NELL2: variants seen among roughly 807,000 people sequenced by gnomAD.
NELL2 encodes the protein neural EGFL like 2, also known as protein kinase C-binding protein NELL2.
In NELL2, 41 loss-of-function variants were observed where a neutral mutation model predicts 109.6. The observed-to-expected ratio is 0.37, with a 90% CI of 0.29 to 0.49. The LOEUF (loss-of-function observed/expected upper bound fraction) is 0.49. NELL2 is among the 20% of genes least tolerant of loss of function. The pLI is 0.98. For missense variants in NELL2, 900 were observed against 1,008.3 expected, an observed-to-expected ratio of 0.89 and a Z score of 1.45; for synonymous variants, 355 against 344.7, an observed-to-expected ratio of 1.03 and a Z score of -0.33.
intron 9 of NELL2, among the ~76,000 whole-genome samples, chr12:44,743,064 A>G (rs1013962524): frequency 6.6e-6 from 1 of 152,224 alleles, no homozygotes; most frequent in South Asian, 2.1e-4. Flanking sequence ...AGGTTGGGTT[A>G]CCCTCAAAGG....
upstream of NELL2, among the ~76,000 whole-genome samples, chr12:44,915,130 C>A (rs1316228781): frequency 6.6e-6 from 1 of 152,148 alleles, no homozygotes; most frequent in Non-Finnish European, 1.5e-5. Context: ...GGATTACTGG[C>A]GTGAGCCACC....
chr12:44,512,947 A>C (rs924110571), intron 19 of NELL2, among the ~76,000 whole-genome samples: 1 of 152,040 alleles, frequency 6.6e-6, no homozygotes, highest in Non-Finnish European at 1.5e-5. Flanking sequence ...ATATGTTCAG[A>C]AATCTAGAAG....
At chr12:44,658,583 A>G (rs1282170705) in intron 13 of NELL2, among the ~76,000 whole-genome samples, 1 of 152,188 alleles carries the variant, frequency 6.6e-6, no homozygotes, top group Non-Finnish European at 1.5e-5. Flanking sequence ...AGAATTAGAA[A>G]AAACTAGTTT....
At chr12:44,661,030 C>A (rs1167045986) in intron 13 of NELL2, among the ~76,000 whole-genome samples, 1 of 152,098 alleles carries the variant, frequency 6.6e-6, no homozygotes, top group Non-Finnish European at 1.5e-5. Flanking sequence ...AATGCAGATG[C>A]CAGGGAGAAG....
chr12:44,863,260 T>C (rs1264692101), intron 2 of NELL2, among the ~76,000 whole-genome samples: 1 of 152,126 alleles, frequency 6.6e-6, no homozygotes, highest in Non-Finnish European at 1.5e-5. Context: ...AAAGAAATAG[T>C]AGCAGAAAAC....
At chr12:44,819,030 C>A (rs1278132606) in intron 2 of NELL2, among the ~76,000 whole-genome samples, 1 of 152,122 alleles carries the variant, frequency 6.6e-6, no homozygotes, top group African/African-American at 2.4e-5. Flanking sequence ...GCGTGAGCCA[C>A]CGCGCCCGGC....
intron 13 of NELL2, among the ~76,000 whole-genome samples, chr12:44,626,365 T>A (rs1446967518): frequency 6.6e-6 from 1 of 152,200 alleles, no homozygotes; most frequent in Non-Finnish European, 1.5e-5. Flanking sequence ...CTTGAGATGC[T>A]ATTAATTCAC....
intron 19 of NELL2, among the ~76,000 whole-genome samples, chr12:44,517,396 T>TCTCTC (rs1941323429): frequency 6.6e-6 from 1 of 150,968 alleles, no homozygotes; most frequent in Non-Finnish European, 1.5e-5. Context: ...TCTCTCTCTC[T>TCTCTC]CTCTCTCTCT....
intron 2 of NELL2, among the ~76,000 whole-genome samples, chr12:44,868,010 C>G (rs1213566881): frequency 6.7e-6 from 1 of 149,328 alleles, no homozygotes; most frequent in Non-Finnish European, 1.5e-5. Flanking sequence ...ATCTCAGCTA[C>G]TTGGGAGGCT....
intron 2 of NELL2, among the ~76,000 whole-genome samples, chr12:44,870,841 C>T (rs1313508302): frequency 6.6e-6 from 1 of 152,148 alleles, no homozygotes; most frequent in Non-Finnish European, 1.5e-5. Context: ...AACTTAACTT[C>T]CCCTTGCTGT....
chr12:44,694,007 G>T (rs560931780), intron 12 of NELL2, among the ~76,000 whole-genome samples: 1 of 152,246 alleles, frequency 6.6e-6, no homozygotes, highest in Non-Finnish European at 1.5e-5. Flanking sequence ...ATGACATTTG[G>T]AAACATCAGA....
intron 1 of NELL2, among the ~76,000 whole-genome samples, chr12:44,887,028 C>T (rs897262254): frequency 7.9e-5 from 12 of 152,018 alleles, no homozygotes; most frequent in Non-Finnish European, 1.3e-4. Flanking sequence ...CAGTGATAGA[C>T]ACTTAGTTTG....
chr12:44,652,350 T>C (rs1947330207), intron 13 of NELL2, among the ~76,000 whole-genome samples: 1 of 152,214 alleles, frequency 6.6e-6, no homozygotes, highest in African/African-American at 2.4e-5. Flanking sequence ...GGTAAATGTA[T>C]AGTCTATTTC....
chr12:44,627,452 G>A lies in NELL2; in HGVS notation c.1445-16482C>T, dbSNP rs1592231099. Among the ~76,000 whole-genome samples, 4 of 150,026 alleles carry A rather than the reference G, an allele frequency of 2.7e-5. 1 individual carries two copies. Among genetic ancestry groups the A allele is most frequent in the African/African-American group, 9.9e-5 (4 of 40,282 alleles). ...ACCAAAAAAAAAAAAAATCAGAACT[G>A]AATAAATAAAGCATCTGCCAAAATC... On this transcript the variant is annotated intron_variant, in intron 13 of 19. Coordinates refer to ENST00000429094, the MANE Select transcript of NELL2 (RefSeq NM_001145108.2).
chr12:44,824,042 A>C (rs1268429646), intron 2 of NELL2, among the ~76,000 whole-genome samples: 1 of 152,154 alleles, frequency 6.6e-6, no homozygotes, highest in Non-Finnish European at 1.5e-5. Flanking sequence ...TTCTTTTGAG[A>C]AATGTTATTT....
chr12:44,606,420 C>T (rs573759707), intron 15 of NELL2, among the ~76,000 whole-genome samples: 44 of 152,088 alleles, frequency 2.9e-4, no homozygotes, highest in Non-Finnish European at 5.7e-4. Flanking sequence ...GGAAGAATAA[C>T]CTGATTTTCT....
At chr12:44,521,396 G>A (rs181270328) in intron 18 of NELL2, among the ~76,000 whole-genome samples, 11 of 151,196 alleles carry the variant, frequency 7.3e-5, no homozygotes, top group Admixed American at 7.2e-4. Context: ...CGGGCGTAGT[G>A]GCGGGCGCCT....
chr12:44,600,107 G>A (rs867491477), intron 15 of NELL2, among the ~76,000 whole-genome samples: 25 of 150,596 alleles, frequency 1.7e-4, no homozygotes, highest in African/African-American at 5.6e-4. Context: ...GACTGCAGGC[G>A]CCCGCCAGCA....
At chr12:44,695,285 C>T (rs533628890) in intron 12 of NELL2, among the ~76,000 whole-genome samples, 11 of 136,944 alleles carry the variant, frequency 8.0e-5, no homozygotes, top group African/African-American at 2.9e-5. Flanking sequence ...AGCGAGACTC[C>T]GTCTCAAAAA....
Sources: allele counts gnomAD v4.1 joint callset (sites outside exome capture counted in the v4.1 genomes callset), GRCh38; gene constraint gnomAD v4.1.1; transcripts MANE v1.5; gene names NCBI Gene and HGNC (gene_info 2026-07-23, HGNC 2026-07-21).